The following NCK2 variants were observed in gnomAD, a reference collection of about 807,000 sequenced individuals.
NCK2 encodes the protein cytoplasmic protein NCK2.
In NCK2, 16 loss-of-function variants were observed where a neutral mutation model predicts 33.9. The ratio of observed to expected loss-of-function variants is 0.47; its 90% CI spans 0.32 to 0.72. The LOEUF (loss-of-function observed/expected upper bound fraction) is 0.72, where lower values mean the gene tolerates loss of function less well. NCK2 is among the 30% of genes least tolerant of loss of function. The probability of loss-of-function intolerance (pLI) is 0.03; values close to 1 mark genes in which losing one functional copy is unlikely to be tolerated. For missense variants in NCK2, 418 were observed against 537.3 expected, an observed-to-expected ratio of 0.78 and a Z score of 2.19; for synonymous variants, 273 against 239.9, an observed-to-expected ratio of 1.14 and a Z score of -1.27.
intron 2 of NCK2, among the ~76,000 whole-genome samples, chr2:105,823,132 CTGTGTGTG>C (rs10610689): frequency 0.085 from 12,615 of 148,550 alleles, 729 homozygotes; most frequent in African/African-American, 0.16. Flanking sequence ...TCCTCTCATG[CTGTGTGTG>C]TGTGTGTGTG....
At chr2:105,804,199 C>T (rs1010744389) in intron 1 of NCK2, among the ~76,000 whole-genome samples, 3 of 152,216 alleles carry the variant, frequency 2.0e-5, no homozygotes, top group South Asian at 2.1e-4. Flanking sequence ...GTTTTCTGGG[C>T]CTGTTTCCTC....
chr2:105,759,009 G>A (rs1219693066), intron 1 of NCK2, among the ~76,000 whole-genome samples: 1 of 152,158 alleles, frequency 6.6e-6, no homozygotes, highest in African/African-American at 2.4e-5. Context: ...AAGTAAAATG[G>A]TTTTGGTGAT....
chr2:105,789,066 AG>A (rs1228775582), intron 1 of NCK2, among the ~76,000 whole-genome samples: 5 of 152,134 alleles, frequency 3.3e-5, no homozygotes, highest in Non-Finnish European at 7.4e-5. Context: ...TTGTGCTCAG[AG>A]GGTTCCAGCG....
chr2:105,859,234 T>C (rs1293140541), intron 3 of NCK2, among the ~76,000 whole-genome samples: 1 of 152,194 alleles, frequency 6.6e-6, no homozygotes, highest in Non-Finnish European at 1.5e-5. Context: ...GCTGGAGCCT[T>C]GCAAAGCCCC....
intron 3 of NCK2, among the ~76,000 whole-genome samples, chr2:105,858,273 T>A (rs1677370959): frequency 6.6e-6 from 1 of 152,154 alleles, no homozygotes; most frequent in African/African-American, 2.4e-5. Flanking sequence ...TGTTTTTGTT[T>A]TTTGAGACAG....
At chr2:105,793,823 C>T (rs541913526) in intron 1 of NCK2, among the ~76,000 whole-genome samples, 51 of 152,150 alleles carry the variant, frequency 3.4e-4, no homozygotes, top group Admixed American at 5.9e-4. Context: ...TTTCAGGCTC[C>T]TTTAGACAGT....
At chr2:105,845,857 C>G (rs181841270) in intron 2 of NCK2, among the ~76,000 whole-genome samples, 1 of 152,100 alleles carries the variant, frequency 6.6e-6, no homozygotes, top group Non-Finnish European at 1.5e-5. Flanking sequence ...ACTTGTGTTT[C>G]CTAAGAAGCC....
At position 105,867,524 on chromosome 2, in the gene NCK2, G is replaced by A. The variant is rs560828547; in HGVS notation, c.226+12235G>A. ...CAACAGATTAGTGGGAGGATACTTCGAGAGAAAATAGACACGGATTGTCTA... is the reference window on the plus strand; with the variant it reads ...CAACAGATTAGTGGGAGGATACTTCAAGAGAAAATAGACACGGATTGTCTA... On this transcript the variant is annotated intron_variant, in intron 3 of 4. Transcript: ENST00000233154. 1.1e-4 allele frequency among the ~76,000 whole-genome samples: 16 copies of A among 152,260 alleles called. No individual in the cohort carries two copies. In the South Asian group the frequency reaches 1.9e-3, roughly 18 times the overall value.
chr2:105,780,323 T>TAC (rs1474176606), intron 1 of NCK2, among the ~76,000 whole-genome samples: 167 of 102,740 alleles, frequency 1.6e-3, no homozygotes, highest in African/African-American at 9.4e-3. Flanking sequence ...GAGAGAGATA[T>TAC]ATACACACAC....
intron 1 of NCK2, among the ~76,000 whole-genome samples, chr2:105,796,031 G>A (rs777044980): frequency 2.6e-5 from 4 of 152,234 alleles, no homozygotes. Context: ...GTTTGCTCTG[G>A]TATAAATCAT....
At chr2:105,877,260 T>C (rs1203545706) in intron 3 of NCK2, among the ~76,000 whole-genome samples, 1 of 152,104 alleles carries the variant, frequency 6.6e-6, no homozygotes, top group Admixed American at 6.5e-5. Context: ...GCTTTCTTGC[T>C]CTGGTATCCT....
chr2:105,755,772 C>T (rs1272575339), intron 1 of NCK2, among the ~76,000 whole-genome samples: 1 of 151,304 alleles, frequency 6.6e-6, no homozygotes, highest in African/African-American at 2.5e-5. Flanking sequence ...GTTTTCTTAG[C>T]TCAGAAGCCT....
chr2:105,890,279 C>T (rs1450172978), intron 4 of NCK2, among the ~76,000 whole-genome samples: 2 of 152,180 alleles, frequency 1.3e-5, no homozygotes, highest in African/African-American at 4.8e-5. Flanking sequence ...GAATTAAAAG[C>T]AAATTTCCCT....
intron 1 of NCK2, among the ~76,000 whole-genome samples, chr2:105,755,782 T>C (rs971287257): frequency 6.6e-6 from 1 of 151,418 alleles, no homozygotes; most frequent in African/African-American, 2.5e-5. Context: ...CTCAGAAGCC[T>C]TACGTTGGTG....
At chr2:105,818,054 T>C (rs913923970) in intron 2 of NCK2, among the ~76,000 whole-genome samples, 1 of 151,910 alleles carries the variant, frequency 6.6e-6, no homozygotes, top group African/African-American at 2.4e-5. Context: ...GATGGACTGA[T>C]TAAGAAAATG....
intron 4 of NCK2, among the ~76,000 whole-genome samples, chr2:105,886,266 A>T (rs1678716470): frequency 6.6e-6 from 1 of 152,274 alleles, no homozygotes; most frequent in Admixed American, 6.5e-5. Flanking sequence ...AAGGCCTGCA[A>T]GATCATGCAG....
intron 1 of NCK2, among the ~76,000 whole-genome samples, chr2:105,808,569 A>G (rs1348405887): frequency 6.6e-6 from 1 of 152,210 alleles, no homozygotes; most frequent in Non-Finnish European, 1.5e-5. Flanking sequence ...CCAGTTTACT[A>G]CAAATGCCAG....
chr2:105,869,854 AT>A (rs764736765), intron 3 of NCK2, among the ~76,000 whole-genome samples: 1 of 152,192 alleles, frequency 6.6e-6, no homozygotes, highest in Non-Finnish European at 1.5e-5. Context: ...CTTCATTGGC[AT>A]CTGTGTTCCC....
chr2:105,837,919 G>C (rs1337322668), intron 2 of NCK2, among the ~76,000 whole-genome samples: 1 of 152,134 alleles, frequency 6.6e-6, no homozygotes, highest in Non-Finnish European at 1.5e-5. Flanking sequence ...TTGAGTTATT[G>C]GTCTTTTTGT....
Sources: allele counts gnomAD v4.1 joint callset (sites outside exome capture counted in the v4.1 genomes callset), GRCh38; gene constraint gnomAD v4.1.1; transcripts MANE v1.5; gene names NCBI Gene and HGNC (gene_info 2026-07-23, HGNC 2026-07-21).